XPO7: variants seen among roughly 807,000 people sequenced by gnomAD.
XPO7 encodes the protein exportin-7.
A neutral mutation model predicts 144.3 loss-of-function variants in XPO7; 21 were observed. That is an observed-to-expected ratio of 0.15 (90% CI 0.10 to 0.21). The LOEUF is 0.21. Ranked by LOEUF, XPO7 falls within the 10% of genes least tolerant of loss-of-function variation. The probability of loss-of-function intolerance (pLI) is 1.00; values close to 1 mark genes in which losing one functional copy is unlikely to be tolerated. For missense variants in XPO7, 808 were observed against 1,325.8 expected (o/e 0.61, Z 6.06); for synonymous variants, 580 against 499.6 (o/e 1.16, Z -2.15).
chr8:22,004,933 AAAAAGGCAAATACCT>A (rs1218939443), intron 27 of XPO7, 47 bp from the exon 28 acceptor site: 1 of 854,714 alleles, frequency 1.2e-6, no homozygotes, highest in Non-Finnish European at 1.7e-6. Context: ...AAAAAAAAAA[AAAAAGGCAAATACCT>A]TTCCCCCCCA....
intron 1 of XPO7, among the ~76,000 whole-genome samples, chr8:21,924,356 A>G (rs1810390441): frequency 6.6e-6 from 1 of 151,818 alleles, no homozygotes; most frequent in African/African-American, 2.4e-5. Context: ...CAAAGTGAAT[A>G]CTCCTTACTA....
intron 8 of XPO7, among the ~76,000 whole-genome samples, chr8:21,979,235 G>T (rs1014352203): frequency 6.6e-6 from 1 of 151,354 alleles, no homozygotes; most frequent in African/African-American, 2.4e-5. Flanking sequence ...AGTAGAGACA[G>T]GGTTTCTCCA....
chr8:22,002,876 G>C (rs1813199776), intron 25 of XPO7: 1 of 184,032 alleles, frequency 5.4e-6, no homozygotes, highest in South Asian at 1.2e-4. Flanking sequence ...TCATAAAGCT[G>C]TCAACTCCGA....
At chr8:21,931,457 A>AT (rs1296112427) in intron 1 of XPO7, among the ~76,000 whole-genome samples, 1 of 152,104 alleles carries the variant, frequency 6.6e-6, no homozygotes, top group Non-Finnish European at 1.5e-5. Flanking sequence ...TGCCTACCTT[A>AT]TTTCTTATTA....
intron 24 of XPO7, among the ~76,000 whole-genome samples, chr8:22,000,592 A>G (rs926600571): frequency 3.3e-5 from 5 of 151,706 alleles, no homozygotes; most frequent in African/African-American, 1.2e-4. Flanking sequence ...AGCTGGGACT[A>G]TAGGCGCCCG....
chr8:21,963,788 T>C (rs1003652514), intron 1 of XPO7, among the ~76,000 whole-genome samples: 2 of 152,120 alleles, frequency 1.3e-5, no homozygotes, highest in African/African-American at 2.4e-5. Context: ...TGGAGTAATA[T>C]AACATCTAAT....
Position 21,999,013 on chromosome 8 carries a change from T to G in XPO7, c.2429-78T>G, listed in dbSNP as rs1022667724. The stretch of plus-strand genomic sequence containing the variant: ...CACCAGGGGCCTACTGGAATTTGTA[T>G]GCCTTTGGAGTAGGAAGGCTGATCT... On this transcript the variant is annotated intron_variant, in intron 22 of 27. Coordinates refer to ENST00000252512, the MANE Select transcript of XPO7 (RefSeq NM_015024.5). 25 of 1,550,946 alleles carry G rather than the reference T, an allele frequency of 1.6e-5. No homozygotes were observed. The Admixed American group carries it at 3.3e-4, about 20-fold the overall frequency.
rs185906718 is a variant in XPO7 at position 21,947,595 on chromosome 8, G to A, written c.19-19262G>A. Among the ~76,000 whole-genome samples the A allele has an allele frequency of 2.1e-4, 32 of 152,244 alleles. 1 individual carries two copies. Among genetic ancestry groups the A allele is most frequent in the Admixed American group, 1.3e-3 (20 of 15,298 alleles). ...AGGTTTTTACATCTTGGGTGAATGCGAAAGAAACAGAGCTCTTAGAAGATA... is the reference window on the plus strand; with the variant it reads ...AGGTTTTTACATCTTGGGTGAATGCAAAAGAAACAGAGCTCTTAGAAGATA... On this transcript the variant is annotated intron_variant, in intron 1 of 27. Coordinates refer to ENST00000252512, the MANE Select transcript of XPO7 (RefSeq NM_015024.5).
Position 21,984,807 on chromosome 8 carries a change from G to C in XPO7, c.1439G>C (p.Ser480Thr). 1 of 1,613,984 alleles carries C rather than the reference G, an allele frequency of 6.2e-7. No homozygotes were observed. Among genetic ancestry groups the C allele is most frequent in the South Asian group, 1.1e-5 (1 of 91,088 alleles). The change falls in exon 12 of 28, where the codon AGC becomes ACC. Residue 480 changes from serine (S) to threonine (T), a missense_variant. By Grantham distance (58) the Ser-to-Thr change is moderately conservative (BLOSUM62 1). Coordinates refer to ENST00000252512, the MANE Select transcript of XPO7 (RefSeq NM_015024.5). ...QSYQELLQSASASPMDIAVQE... is the reference protein window; with the variant it reads ...QSYQELLQSATASPMDIAVQE... ...TACCAGGAGCTGCTACAGAGCGCCA[G>C]CGCAAGCCCAATGGACATTGCAGTG... is the stretch of plus-strand genomic sequence containing the variant.
At chr8:21,992,818 C>T (rs1409921788) in intron 19 of XPO7, among the ~76,000 whole-genome samples, 1 of 152,160 alleles carries the variant, frequency 6.6e-6, no homozygotes, top group African/African-American at 2.4e-5. Context: ...ATACTGTTCT[C>T]TTGACCTGTA....
rs764186045 is a variant in XPO7 at position 21,984,720 on chromosome 8, G to T, written c.1352G>T (p.Arg451Leu). The change falls in exon 12 of 28, where the codon CGT becomes CTT. Residue 451 changes from arginine (R) to leucine (L), a missense_variant. Physicochemically the swap from Arg to Leu is moderately radical, Grantham distance 102 (BLOSUM62 -2). Coordinates refer to ENST00000252512, the MANE Select transcript of XPO7 (RefSeq NM_015024.5). Reference protein sequence around the residue: ...QQLDQLSTIGRCEYEKTCALL... With the variant: ...QQLDQLSTIGLCEYEKTCALL... ...TTGGACCAGCTGTCCACCATTGGGC[G>T]TTGTGAATATGAGAAGACGTGTGCA... is the stretch of plus-strand genomic sequence containing the variant. 6.2e-7 allele frequency: 1 copy of T among 1,613,874 alleles called. No homozygotes were observed.
intron 6 of XPO7, among the ~76,000 whole-genome samples, chr8:21,975,435 C>CA (rs1165614268): frequency 1.2e-4 from 19 of 152,210 alleles, no homozygotes; most frequent in African/African-American, 4.6e-4. Flanking sequence ...GAGTTCCACA[C>CA]AGTTGTAACA....
chr8:21,985,620 A>G lies in XPO7; in HGVS notation c.1506A>G (p.Ala502=), dbSNP rs761198116. The change falls in exon 13 of 28, where the codon GCA becomes GCG. Residue 502 remains alanine (A), a synonymous_variant. Transcript: ENST00000252512. Reference sequence around the variant, plus strand: ...CATGGCTGGTTTACATTATTGGAGCAGTGATCGGTGGCCGGGTTTCTTTTG... The same window carrying G: ...CATGGCTGGTTTACATTATTGGAGCGGTGATCGGTGGCCGGGTTTCTTTTG... ...RLTWLVYIIG[A]VIGGRVSFAS... 1.9e-5 allele frequency: 30 copies of G among 1,613,968 alleles called. No individual in the cohort carries two copies. The South Asian group carries it at 3.2e-4, about 17-fold the overall frequency.
intron 1 of XPO7, among the ~76,000 whole-genome samples, chr8:21,924,168 G>C (rs1304304146): frequency 6.6e-6 from 1 of 152,184 alleles, no homozygotes; most frequent in Non-Finnish European, 1.5e-5. Context: ...GGAGGCTGCA[G>C]TTCTTTACCA....
intron 21 of XPO7, 44 bp downstream of exon 21, chr8:21,995,643 T>C (rs376982950): frequency 1.4e-6 from 2 of 1,450,560 alleles, no homozygotes; most frequent in Non-Finnish European, 9.5e-7. Flanking sequence ...TGCCCTGTTA[T>C]CTGAGAGAAT....
rs1171510099 is a variant in XPO7, at chr8:21,991,984, T to A, written c.2148+10T>A. On this transcript the variant is annotated intron_variant, in intron 19 of 27. Coordinates refer to ENST00000252512, the MANE Select transcript of XPO7 (RefSeq NM_015024.5). ...CGAGCAGGAGGCAAAGGTGAGTGAG[T>A]CTTTCACCCAGTAATTAATCAGCTT... is the stretch of plus-strand genomic sequence containing the variant. 1.2e-6 allele frequency: 2 copies of A among 1,606,432 alleles called. No individual in the cohort carries two copies. Among genetic ancestry groups the A allele is most frequent in the Admixed American group, 3.4e-5 (2 of 59,130 alleles).
Position 21,992,200 on chromosome 8 carries a change from A to C in XPO7, c.2148+226A>C, listed in dbSNP as rs1812793696. On this transcript the variant is annotated intron_variant, in intron 19 of 27. Coordinates refer to ENST00000252512, the MANE Select transcript of XPO7 (RefSeq NM_015024.5). ...AGGATTTTTTTTTGTCTGAGTTTTC[A>C]AATATATTAGCATAAAGTTGTTTAC... Among the ~76,000 whole-genome samples the C allele has an allele frequency of 1.3e-5, 2 of 152,120 alleles. 1 individual carries two copies. The highest frequency in any genetic ancestry group is 4.1e-4 in the South Asian group (2 of 4,830).
rs767024967 is a variant in XPO7, at chr8:21,987,683, C to A, written c.1714-101C>A. The A allele has an allele frequency of 3.8e-6, 5 of 1,303,720 alleles. No homozygotes were observed. In the South Asian group the frequency reaches 4.1e-5, roughly 11 times the overall value. 80.8% of individuals were successfully genotyped at this position (1,303,720 alleles called of 1,614,324 possible). ...TAAAGTCCTCTCTGGGATTCTTGTC[C>A]ATTTTCTTCCACATCTTACCCATGA... is the stretch of plus-strand genomic sequence containing the variant. On this transcript the variant is annotated intron_variant, in intron 14 of 27. Transcript: ENST00000252512.
chr8:21,977,433 G>T (rs750110337), intron 7 of XPO7, among the ~76,000 whole-genome samples: 2 of 152,170 alleles, frequency 1.3e-5, no homozygotes, highest in Non-Finnish European at 2.9e-5. Context: ...ACAAAAATTA[G>T]CTGGGCATGG....
Sources: allele counts gnomAD v4.1 joint callset (sites outside exome capture counted in the v4.1 genomes callset), GRCh38; gene constraint gnomAD v4.1.1; transcripts MANE v1.5; gene names NCBI Gene and HGNC (gene_info 2026-07-23, HGNC 2026-07-21).